The following ABTB2 variants were observed in gnomAD, a reference collection of about 807,000 sequenced individuals.
The protein encoded by ABTB2 is ankyrin repeat and BTB domain containing 2.
ABTB2 carries 56 observed loss-of-function variants against 104.1 expected under a neutral mutation model. The observed-to-expected ratio is 0.54, with a 90% CI of 0.43 to 0.67. The LOEUF (loss-of-function observed/expected upper bound fraction) is 0.67. Among genes scored for constraint, ABTB2 ranks in the 30% least tolerant of loss-of-function variants. ABTB2 has a pLI of 0.00. For missense variants in ABTB2, 1,279 were observed against 1,407.7 expected, an observed-to-expected ratio of 0.91 and a Z score of 1.46; for synonymous variants, 606 against 608.2, an observed-to-expected ratio of 1.00 and a Z score of 0.05.
At chr11:34,206,991 T>C (rs182741865) in intron 1 of ABTB2, among the ~76,000 whole-genome samples, 2 of 152,374 alleles carry the variant, frequency 1.3e-5, no homozygotes, top group Admixed American at 6.5e-5. Context: ...GAAGAGTTCA[T>C]GATTGGGCTC....
intron 4 of ABTB2, among the ~76,000 whole-genome samples, chr11:34,171,446 G>A (rs761841187): frequency 1.3e-5 from 2 of 152,140 alleles, no homozygotes; most frequent in African/African-American, 2.4e-5. Context: ...GTGGTAGCAT[G>A]TGCCTGTATC....
intron 1 of ABTB2, among the ~76,000 whole-genome samples, chr11:34,281,777 G>C (rs969841235): frequency 3.3e-5 from 5 of 152,138 alleles, no homozygotes; most frequent in African/African-American, 1.2e-4. Context: ...CTAGCTCTTG[G>C]AACACTGTGC....
At chr11:34,182,363 G>A (rs938195046) in intron 3 of ABTB2, among the ~76,000 whole-genome samples, 3 of 152,216 alleles carry the variant, frequency 2.0e-5, no homozygotes, top group South Asian at 2.1e-4. Context: ...GCAGAGTTGG[G>A]CATGGTTCCC....
intron 1 of ABTB2, among the ~76,000 whole-genome samples, chr11:34,235,024 AT>A (rs1027161234): frequency 2.0e-5 from 3 of 149,610 alleles, no homozygotes; most frequent in African/African-American, 4.9e-5. Flanking sequence ...CGCCTGGCTA[AT>A]TTTTTTTTTG....
chr11:34,165,110 GC>G, intron 8 of ABTB2, 149 bp downstream of exon 8: 1 of 784,368 alleles, frequency 1.3e-6, no homozygotes, highest in Non-Finnish European at 1.9e-6. Context: ...GCCAGGGGAA[GC>G]CCCCAGTGGT....
chr11:34,268,621 C>G lies in ABTB2; in HGVS notation c.884-63931G>C, dbSNP rs80221101. On this transcript the variant is annotated intron_variant, in intron 1 of 16. Transcript: ENST00000435224. ...GGTGGGCCAGCCACTGCGTGAGTTT[C>G]CTGGGGCTTCTGTAACAAAGTACCA... 4.4e-3 allele frequency among the ~76,000 whole-genome samples: 673 copies of G among 152,322 alleles called. 5 individuals carry two copies. Among genetic ancestry groups the G allele is most frequent in the African/African-American group, 0.015 (630 of 41,572 alleles).
intron 1 of ABTB2, among the ~76,000 whole-genome samples, chr11:34,270,645 G>T (rs1854303273): frequency 6.6e-6 from 1 of 152,094 alleles, no homozygotes; most frequent in Non-Finnish European, 1.5e-5. Flanking sequence ...CAGCCTGAGG[G>T]CTTTCCTTCC....
intron 1 of ABTB2, among the ~76,000 whole-genome samples, chr11:34,263,252 C>A (rs567606383): frequency 6.6e-6 from 1 of 151,944 alleles, no homozygotes; most frequent in South Asian, 2.1e-4. Flanking sequence ...TGTGTGCATG[C>A]GCTTGCATGA....
chr11:34,312,487 G>A (rs1305298084), intron 1 of ABTB2, among the ~76,000 whole-genome samples: 1 of 152,212 alleles, frequency 6.6e-6, no homozygotes, highest in African/African-American at 2.4e-5. Context: ...CGCAGGGCTT[G>A]ACAGGGATAC....
At chr11:34,274,366 C>T (rs1854357625) in intron 1 of ABTB2, among the ~76,000 whole-genome samples, 1 of 151,898 alleles carries the variant, frequency 6.6e-6, no homozygotes, top group Non-Finnish European at 1.5e-5. Flanking sequence ...AGGATTCAAA[C>T]CCAGGCTGAC....
intron 1 of ABTB2, among the ~76,000 whole-genome samples, chr11:34,322,318 T>C (rs1830156571): frequency 6.6e-6 from 1 of 152,144 alleles, no homozygotes; most frequent in Non-Finnish European, 1.5e-5. Flanking sequence ...TATTAAGAGA[T>C]TGTTAATCGC....
At chr11:34,190,336 G>A (rs930645783) in intron 3 of ABTB2, among the ~76,000 whole-genome samples, 3 of 148,136 alleles carry the variant, frequency 2.0e-5, no homozygotes, top group African/African-American at 2.5e-5. Context: ...CACCCAGCTC[G>A]TGAGTGGCAG....
intron 1 of ABTB2, among the ~76,000 whole-genome samples, chr11:34,290,052 C>G (rs1296806211): frequency 6.6e-6 from 1 of 152,178 alleles, no homozygotes; most frequent in Non-Finnish European, 1.5e-5. Flanking sequence ...GATAAATGAC[C>G]TAGTCCCTGA....
intron 1 of ABTB2, among the ~76,000 whole-genome samples, chr11:34,262,010 C>G (rs570443826): frequency 6.6e-6 from 1 of 152,190 alleles, no homozygotes; most frequent in Non-Finnish European, 1.5e-5. Flanking sequence ...TGCCACCATA[C>G]CCCTGGTACA....
intron 1 of ABTB2, among the ~76,000 whole-genome samples, chr11:34,228,597 C>T (rs1190106312): frequency 1.3e-5 from 2 of 151,930 alleles, no homozygotes; most frequent in African/African-American, 4.8e-5. Flanking sequence ...CCAGGCTAGT[C>T]TCGACATCCG....
At chr11:34,228,726 C>G (rs1853720288) in intron 1 of ABTB2, among the ~76,000 whole-genome samples, 1 of 152,144 alleles carries the variant, frequency 6.6e-6, no homozygotes, top group Admixed American at 6.5e-5. Context: ...ACAGTGACTT[C>G]ACCATTTTAC....
At chr11:34,329,083 T>A (rs1028886414) in intron 1 of ABTB2, among the ~76,000 whole-genome samples, 1 of 152,208 alleles carries the variant, frequency 6.6e-6, no homozygotes, top group Non-Finnish European at 1.5e-5. Flanking sequence ...ATTCAGCACC[T>A]AAATGGCTCA....
Position 34,154,891 on chromosome 11 carries a change from G to C in ABTB2, c.2698-122C>G, listed in dbSNP as rs1025489324. ...GGGCCTGTCCCTCTGCAGGTCCCCA[G>C]CTCTGTCTCTCCCTCCCTCTCCTGC... On this transcript the variant is annotated intron_variant, in intron 14 of 16. Coordinates refer to ENST00000435224, the MANE Select transcript of ABTB2 (RefSeq NM_145804.3). The surrounding 1 kb of genome is among the most constrained non-coding windows in gnomAD (Gnocchi z 4.9). 4.5e-6 allele frequency: 4 copies of C among 892,788 alleles called. No homozygotes were observed. The highest frequency in any genetic ancestry group is 5.3e-6 in the Non-Finnish European group (3 of 566,662). 55.3% of individuals were successfully genotyped at this position (892,788 alleles called of 1,614,324 possible). A position where few individuals can be genotyped will look rare whatever the true frequency, so the allele number is the denominator to read the frequency against.
At chr11:34,351,927 G>A (rs1278781191) in intron 1 of ABTB2, among the ~76,000 whole-genome samples, 1 of 145,622 alleles carries the variant, frequency 6.9e-6, no homozygotes, top group Non-Finnish European at 1.5e-5. Context: ...TTTCTCAGGC[G>A]TGCGAGAAAA....
Sources: gnomAD v4.1 joint callset for allele counts (sites outside exome capture counted in the v4.1 genomes callset) on GRCh38, gnomAD v4.1.1 for gene constraint, Gnocchi (gnomAD v3.1) non-coding constraint, MANE v1.5 for transcripts, NCBI Gene and HGNC (gene_info 2026-07-23, HGNC 2026-07-21) for gene names.